The following FARS2 variants were observed in gnomAD, a reference collection of about 807,000 sequenced individuals.
The protein encoded by FARS2 is phenylalanyl-tRNA synthetase 2, mitochondrial.
A neutral mutation model predicts 46.4 loss-of-function variants in FARS2; 40 were observed. The ratio of observed to expected loss-of-function variants is 0.86; its 90% CI spans 0.67 to 1.12. FARS2 has a LOEUF of 1.12. FARS2 is among the 50% of genes most tolerant of loss of function. The probability of loss-of-function intolerance (pLI) is 0.00; values close to 1 mark genes in which losing one functional copy is unlikely to be tolerated. For synonymous variants in FARS2, 234 were observed against 214.9 expected (o/e 1.09, Z -0.78); for missense variants, 513 against 567.9 (o/e 0.90, Z 0.98).
intron 3 of FARS2, among the ~76,000 whole-genome samples, chr6:5,410,496 A>C (rs1487302513): frequency 2.6e-5 from 4 of 152,058 alleles, no homozygotes; most frequent in African/African-American, 9.7e-5. Context: ...AGAAGCACTA[A>C]TTAGTTATGG....
intron 2 of FARS2, among the ~76,000 whole-genome samples, chr6:5,392,463 G>A (rs896323906): frequency 2.2e-4 from 34 of 152,094 alleles, no homozygotes; most frequent in Admixed American, 1.8e-3. Context: ...TAAAGTGACT[G>A]ACCTCTTTTG....
At position 5,738,174 on chromosome 6, in the gene FARS2, A is replaced by T. The variant is rs1282557327; in HGVS notation, c.1218-33117A>T. ...ACTATGTTGCCCAAGCTGGTCTCAA[A>T]CTCCAGGCTCAAGCAATCCTCCTGC... On this transcript the variant is annotated intron_variant, in intron 6 of 6. Coordinates refer to ENST00000274680, the MANE Select transcript of FARS2 (RefSeq NM_006567.5). Among the ~76,000 whole-genome samples, 3 of 152,074 alleles carry T rather than the reference A, an allele frequency of 2.0e-5. No individual in the cohort carries two copies. In the East Asian group the frequency reaches 5.8e-4, roughly 29 times the overall value.
At chr6:5,301,055 G>A (rs150901140) in intron 1 of FARS2, among the ~76,000 whole-genome samples, 2 of 151,864 alleles carry the variant, frequency 1.3e-5, no homozygotes, top group Non-Finnish European at 1.5e-5. Context: ...AATGAAGGCT[G>A]TGCTTACTGG....
intron 6 of FARS2, among the ~76,000 whole-genome samples, chr6:5,708,403 A>G (rs1481057349): frequency 2.0e-5 from 3 of 152,164 alleles, no homozygotes; most frequent in Admixed American, 2.0e-4. Flanking sequence ...GAAGTCCTAC[A>G]TGATCAGTGA....
intron 3 of FARS2, among the ~76,000 whole-genome samples, chr6:5,423,751 G>A (rs75625525): frequency 0.014 from 2,152 of 152,220 alleles, 59 homozygotes; most frequent in African/African-American, 0.049. Flanking sequence ...ACTCTGCAGC[G>A]CTGGACTCCA....
chr6:5,528,915 G>A (rs570473951), intron 4 of FARS2, among the ~76,000 whole-genome samples: 4 of 152,292 alleles, frequency 2.6e-5, no homozygotes, highest in Non-Finnish European at 5.9e-5. Context: ...GACCTGCTAA[G>A]GATGTTGGAG....
chr6:5,608,824 A>G (rs1287691137), intron 5 of FARS2, among the ~76,000 whole-genome samples: 1 of 152,144 alleles, frequency 6.6e-6, no homozygotes, highest in Non-Finnish European at 1.5e-5. Context: ...AAGGAATTCT[A>G]ACTTCACACT....
At chr6:5,635,319 GTT>G (rs1481617947) in intron 6 of FARS2, among the ~76,000 whole-genome samples, 9 of 152,174 alleles carry the variant, frequency 5.9e-5, no homozygotes, top group African/African-American at 1.9e-4. Flanking sequence ...GTTTACTCTA[GTT>G]AAGCCCATGC....
chr6:5,337,058 A>C (rs1771209602), intron 1 of FARS2, among the ~76,000 whole-genome samples: 1 of 148,164 alleles, frequency 6.7e-6, no homozygotes, highest in African/African-American at 2.4e-5. Context: ...CAGGAAGTAA[A>C]TATCACTTCT....
intron 1 of FARS2, among the ~76,000 whole-genome samples, chr6:5,345,129 A>G (rs1285957666): frequency 6.6e-6 from 1 of 151,342 alleles, no homozygotes; most frequent in East Asian, 2.0e-4. Context: ...TTGATCTTTA[A>G]TTATGATGAT....
rs1449496549 is a variant in FARS2 at position 5,343,092 on chromosome 6, T to C, written c.-21-25458T>C. ...TGCCCTAATCTGTATGAAATGACCA[T>C]TGATATCTCCTTACAGTTAATAATG... On this transcript the variant is annotated intron_variant, in intron 1 of 6. Coordinates refer to ENST00000274680, the MANE Select transcript of FARS2 (RefSeq NM_006567.5). The surrounding 1 kb of genome is among the most constrained non-coding windows in gnomAD (Gnocchi z 4.5). 2.0e-5 allele frequency among the ~76,000 whole-genome samples: 3 copies of C among 152,224 alleles called. No homozygotes were observed. Among genetic ancestry groups the C allele is most frequent in the Non-Finnish European group, 4.4e-5 (3 of 68,038 alleles).
chr6:5,768,421 A>AT (rs1287276358), intron 6 of FARS2, among the ~76,000 whole-genome samples: 2 of 152,136 alleles, frequency 1.3e-5, no homozygotes, highest in African/African-American at 2.4e-5. Context: ...AGGAAAACAG[A>AT]TTTTTCCCCA....
At chr6:5,682,426 T>C (rs551667357) in intron 6 of FARS2, among the ~76,000 whole-genome samples, 25 of 152,228 alleles carry the variant, frequency 1.6e-4, no homozygotes, top group Admixed American at 1.0e-3. Context: ...TAATAATAAG[T>C]TGTAAAGAAG....
intron 4 of FARS2, among the ~76,000 whole-genome samples, chr6:5,543,600 A>T (rs1243077574): frequency 6.6e-6 from 1 of 152,060 alleles, no homozygotes; most frequent in African/African-American, 2.4e-5. Context: ...TGACCTCGTG[A>T]TCTGCCAGCC....
chr6:5,511,899 A>G (rs1768478568), intron 4 of FARS2, among the ~76,000 whole-genome samples: 1 of 152,208 alleles, frequency 6.6e-6, no homozygotes, highest in Non-Finnish European at 1.5e-5. Context: ...ACCTCTTTCC[A>G]TGTGTACACA....
intron 1 of FARS2, among the ~76,000 whole-genome samples, chr6:5,326,720 C>G (rs538273020): frequency 3.6e-4 from 55 of 152,324 alleles, no homozygotes; most frequent in African/African-American, 1.3e-3. Context: ...GCAGGGTTTG[C>G]TCCGTCATCA....
intron 1 of FARS2, among the ~76,000 whole-genome samples, chr6:5,321,375 T>C (rs888519800): frequency 6.6e-6 from 1 of 152,180 alleles, no homozygotes; most frequent in African/African-American, 2.4e-5. Flanking sequence ...AAGGTAGATC[T>C]AGAAGGATGG....
At chr6:5,677,518 A>G (rs921927691) in intron 6 of FARS2, among the ~76,000 whole-genome samples, 1 of 152,220 alleles carries the variant, frequency 6.6e-6, no homozygotes, top group Non-Finnish European at 1.5e-5. Context: ...CTTTCCAACA[A>G]TCAGAACCAA....
intron 4 of FARS2, among the ~76,000 whole-genome samples, chr6:5,533,696 T>C (rs569784236): frequency 5.9e-5 from 9 of 151,612 alleles, no homozygotes; most frequent in Non-Finnish European, 1.2e-4. Context: ...TTTGGGAGAG[T>C]AGGTTGATGG....
Sources: allele counts gnomAD v4.1 joint callset (sites outside exome capture counted in the v4.1 genomes callset), GRCh38; gene constraint gnomAD v4.1.1; non-coding constraint Gnocchi (gnomAD v3.1); transcripts MANE v1.5; gene names NCBI Gene and HGNC (gene_info 2026-07-23, HGNC 2026-07-21).